GPC6: variants seen among roughly 807,000 people sequenced by gnomAD.
GPC6 encodes glypican 6.
In GPC6, 14 loss-of-function variants were observed where a neutral mutation model predicts 55.2. The observed-to-expected ratio is 0.25, with a 90% CI of 0.17 to 0.40. GPC6 has a LOEUF of 0.40. GPC6 is among the 10% of genes least tolerant of loss of function. The pLI, the probability that GPC6 is intolerant of heterozygous loss-of-function variation, is 1.00. For synonymous variants in GPC6, 278 were observed against 259.6 expected, an observed-to-expected ratio of 1.07 and a Z score of -0.68; for missense variants, 641 against 708.5, an observed-to-expected ratio of 0.90 and a Z score of 1.08.
chr13:93,763,013 T>C (rs534324317), intron 2 of GPC6, among the ~76,000 whole-genome samples: 1 of 152,330 alleles, frequency 6.6e-6, no homozygotes, highest in Non-Finnish European at 1.5e-5. Context: ...GCTGGAGTGC[T>C]TTATACTTTT....
intron 7 of GPC6, among the ~76,000 whole-genome samples, chr13:94,392,407 T>C (rs1469681954): frequency 2.0e-5 from 3 of 148,300 alleles, no homozygotes; most frequent in African/African-American, 7.4e-5. Context: ...ATGGTAATTC[T>C]ATTTTTAATT....
intron 2 of GPC6, among the ~76,000 whole-genome samples, chr13:93,827,686 A>G (rs1160165346): frequency 6.6e-6 from 1 of 152,218 alleles, no homozygotes; most frequent in Non-Finnish European, 1.5e-5. Flanking sequence ...TTAGACAACA[A>G]TGTAAGCTTG....
intron 4 of GPC6, among the ~76,000 whole-genome samples, chr13:94,206,205 T>C (rs928322908): frequency 2.6e-5 from 4 of 152,068 alleles, no homozygotes; most frequent in Non-Finnish European, 4.4e-5. Flanking sequence ...ATCAGGAAAA[T>C]GGTGCTTGGA....
chr13:94,042,743 GT>G (rs1566327188), intron 4 of GPC6, among the ~76,000 whole-genome samples: 1 of 151,798 alleles, frequency 6.6e-6, no homozygotes, highest in African/African-American at 2.4e-5. Context: ...CTAATATCCT[GT>G]TTCTCCTCAA....
At chr13:93,890,842 A>G (rs1183959557) in intron 3 of GPC6, among the ~76,000 whole-genome samples, 1 of 151,524 alleles carries the variant, frequency 6.6e-6, no homozygotes, top group East Asian at 1.9e-4. Flanking sequence ...TGGAGACTCA[A>G]TTTCTTGAGT....
chr13:93,331,790 T>C (rs1879855744), intron 1 of GPC6, among the ~76,000 whole-genome samples: 1 of 152,088 alleles, frequency 6.6e-6, no homozygotes, highest in South Asian at 2.1e-4. Context: ...ACTGCACTAA[T>C]GAACACTAGA....
chr13:93,985,074 GTGACTACC>G (rs1339835126), intron 3 of GPC6, among the ~76,000 whole-genome samples: 7 of 152,144 alleles, frequency 4.6e-5, no homozygotes. Flanking sequence ...ATCCTGTAAT[GTGACTACC>G]TATGGGCCCA....
chr13:93,538,678 G>A (rs918769087), intron 1 of GPC6, among the ~76,000 whole-genome samples: 1 of 152,152 alleles, frequency 6.6e-6, no homozygotes, highest in East Asian at 1.9e-4. Context: ...GAGAGCCACA[G>A]AAAAACATCA....
intron 1 of GPC6, among the ~76,000 whole-genome samples, chr13:93,315,607 A>C (rs540247921): frequency 9.9e-5 from 15 of 152,052 alleles, no homozygotes; most frequent in African/African-American, 3.6e-4. Flanking sequence ...CTAAATATTA[A>C]TATTCTTTAT....
chr13:93,261,925 TACACACACACACAC>T (rs34841808), intron 1 of GPC6, among the ~76,000 whole-genome samples: 2,548 of 144,604 alleles, frequency 0.018, 30 homozygotes, highest in South Asian at 0.035. Context: ...TCTCTCCCTC[TACACACACACACAC>T]ACACACACAC....
intron 1 of GPC6, among the ~76,000 whole-genome samples, chr13:93,325,002 C>T (rs1046249866): frequency 5.9e-5 from 9 of 151,736 alleles, no homozygotes; most frequent in African/African-American, 9.7e-5. Flanking sequence ...CTGGAAAAAA[C>T]GAAAAAAGGA....
At chr13:94,216,099 AG>A (rs1305494035) in intron 4 of GPC6, among the ~76,000 whole-genome samples, 3 of 152,204 alleles carry the variant, frequency 2.0e-5, no homozygotes, top group African/African-American at 7.2e-5. Context: ...TGCTTGTTAA[AG>A]TCACTGTTTT....
chr13:93,431,063 G>A (rs983882041), intron 1 of GPC6, among the ~76,000 whole-genome samples: 51 of 152,172 alleles, frequency 3.4e-4, no homozygotes, highest in Middle Eastern at 6.8e-3. Flanking sequence ...TATAAAATAA[G>A]ACATAACAAT....
chr13:93,832,021 C>T (rs1233283789), intron 3 of GPC6, among the ~76,000 whole-genome samples: 1 of 125,356 alleles, frequency 8.0e-6, no homozygotes, highest in Non-Finnish European at 1.6e-5. Flanking sequence ...ACCTGGGAGG[C>T]GGGGCTTGCA....
intron 1 of GPC6, among the ~76,000 whole-genome samples, chr13:93,436,026 T>A (rs1877558637): frequency 6.6e-6 from 1 of 152,212 alleles, no homozygotes; most frequent in Admixed American, 6.5e-5. Flanking sequence ...GCCCATACGT[T>A]CTGCCATGAT....
At chr13:93,693,112 G>T (rs1382441987) in intron 2 of GPC6, among the ~76,000 whole-genome samples, 1 of 152,098 alleles carries the variant, frequency 6.6e-6, no homozygotes, top group Non-Finnish European at 1.5e-5. Flanking sequence ...TAGATTGTTA[G>T]CATCTTCAAG....
At chr13:94,213,610 G>A (rs1270817277) in intron 4 of GPC6, among the ~76,000 whole-genome samples, 8 of 152,168 alleles carry the variant, frequency 5.3e-5, no homozygotes, top group Non-Finnish European at 1.2e-4. Context: ...TCTCACCTGG[G>A]ATGGGACTTG....
chr13:93,221,478 A>G, the GPC6 span, among the ~76,000 whole-genome samples: 1 of 152,138 alleles, frequency 6.6e-6, no homozygotes, highest in Non-Finnish European at 1.5e-5. Flanking sequence ...CTGCTGCCCC[A>G]TGGTGTTTGG....
chr13:94,025,967 G>A (rs1044184564), intron 3 of GPC6, among the ~76,000 whole-genome samples: 4 of 152,166 alleles, frequency 2.6e-5, no homozygotes, highest in African/African-American at 9.7e-5. Flanking sequence ...GAAAAATGAG[G>A]TAGGTTAATG....
Sources: gnomAD v4.1 joint callset for allele counts (sites outside exome capture counted in the v4.1 genomes callset) on GRCh38, gnomAD v4.1.1 for gene constraint, MANE v1.5 for transcripts, NCBI Gene and HGNC (gene_info 2026-07-23, HGNC 2026-07-21) for gene names.